AASDH: variants seen among roughly 807,000 people sequenced by gnomAD.
AASDH encodes the protein beta-alanine-activating enzyme.
Under a neutral mutation model 102.3 loss-of-function variants are expected in AASDH, and 81 were observed. That is an observed-to-expected ratio of 0.79 (90% CI 0.66 to 0.95). The LOEUF (loss-of-function observed/expected upper bound fraction) is 0.95. AASDH is among the 40% of genes least tolerant of loss of function. The pLI is 0.00. For missense variants in AASDH, 1,203 were observed against 1,266.2 expected (o/e 0.95, Z 0.76); for synonymous variants, 398 against 454.0 (o/e 0.88, Z 1.57).
In AASDH at chr4:56,384,273, C is replaced by T; in HGVS notation, c.27G>A (p.Lys9=). The T allele has an allele frequency of 6.2e-7, 1 of 1,614,066 alleles. No homozygotes were observed. Among genetic ancestry groups the T allele is most frequent in the African/African-American group, 1.3e-5 (1 of 75,026 alleles). The change falls in exon 2 of 15, where the codon AAG becomes AAA. Residue 9 remains lysine, a synonymous_variant. Transcript: ENST00000205214. MTLQELVH[K]AASCYMDRVA... ...CTCTGTCCATATAACAGGAGGCAGC[C>T]TTATGCACCAATTCCTGAAGAGTCA...
At chr4:56,350,160 A>G in intron 10 of AASDH, 102 bp from the exon 11 acceptor site, 1 of 1,060,160 alleles carries the variant, frequency 9.4e-7, no homozygotes, top group Non-Finnish European at 1.3e-6. Context: ...CTACATTAAT[A>G]ATTAGAAATA....
At chr4:56,367,918 A>G (rs192929459) in intron 5 of AASDH, among the ~76,000 whole-genome samples, 3,139 of 152,222 alleles carry the variant, frequency 0.021, 48 homozygotes, top group South Asian at 0.046. Flanking sequence ...AACTACCATC[A>G]GAGTGAACAG....
intron 3 of AASDH, among the ~76,000 whole-genome samples, chr4:56,378,723 T>C (rs969074952): frequency 6.6e-6 from 1 of 152,002 alleles, no homozygotes; most frequent in African/African-American, 2.4e-5. Flanking sequence ...ACTATGCTAA[T>C]TAATGCTATG....
At chr4:56,377,078 A>AAAT (rs1553933216) in intron 4 of AASDH, among the ~76,000 whole-genome samples, 24 of 132,556 alleles carry the variant, frequency 1.8e-4, no homozygotes, top group Admixed American at 9.2e-4. Flanking sequence ...AAAAAAAAAA[A>AAAT]AAATAAATAA....
intron 12 of AASDH, among the ~76,000 whole-genome samples, chr4:56,344,724 A>G (rs1446478933): frequency 6.6e-6 from 1 of 152,070 alleles, no homozygotes; most frequent in Admixed American, 6.6e-5. Context: ...TGAGTAGCAC[A>G]CTTATTTGTG....
intron 12 of AASDH, among the ~76,000 whole-genome samples, chr4:56,344,492 T>G (rs572245358): frequency 6.6e-6 from 1 of 152,278 alleles, no homozygotes; most frequent in African/African-American, 2.4e-5. Context: ...TACATTTGTC[T>G]TATTAATTTG....
chr4:56,375,831 C>T (rs1752273656), intron 4 of AASDH, among the ~76,000 whole-genome samples: 1 of 152,126 alleles, frequency 6.6e-6, no homozygotes, highest in African/African-American at 2.4e-5. Flanking sequence ...CTATCCTAAT[C>T]TTTTTGAGGC....
intron 10 of AASDH, among the ~76,000 whole-genome samples, 197 bp downstream of exon 10, chr4:56,351,145 G>T (rs928106444): frequency 2.6e-5 from 4 of 152,058 alleles, no homozygotes; most frequent in African/African-American, 9.7e-5. Flanking sequence ...TTCTTTGTCG[G>T]AAACTTAATC....
In AASDH at chr4:56,338,625, A is replaced by G. The variant is rs1243516991; in HGVS notation, c.3074T>C (p.Phe1025Ser). The change falls in exon 15 of 15, where the codon TTT becomes TCT. Residue 1025 changes from phenylalanine to serine, a missense_variant. Transcript: ENST00000205214. ...ETTSRVYATPFAFHNYNGSNE... is the reference protein window; with the variant it reads ...ETTSRVYATPSAFHNYNGSNE... The stretch of plus-strand genomic sequence containing the variant: ...GCTGCCATTGTAGTTATGGAAAGCA[A>G]ACGGTGTTGCATAGACCCTTGAAGT... 6 of 1,614,080 alleles carry G rather than the reference A, an allele frequency of 3.7e-6. No homozygotes were observed. The African/African-American group carries it at 6.7e-5, about 18-fold the overall frequency.
intron 5 of AASDH, among the ~76,000 whole-genome samples, chr4:56,363,185 C>G (rs111934645): frequency 2.6e-5 from 4 of 152,122 alleles, no homozygotes; most frequent in Non-Finnish European, 5.9e-5. Context: ...GAGGGGCGCC[C>G]ACCATCGCCG....
intron 14 of AASDH, among the ~76,000 whole-genome samples, chr4:56,339,169 T>A (rs908704994): frequency 1.3e-5 from 2 of 151,874 alleles, no homozygotes; most frequent in African/African-American, 4.8e-5. Flanking sequence ...ATTATTTTTT[T>A]TTGAGATGGA....
intron 1 of AASDH, 68 bp downstream of exon 1, chr4:56,387,294 C>T (rs747325737): frequency 6.6e-6 from 1 of 152,336 alleles, no homozygotes; most frequent in Non-Finnish European, 1.5e-5. Context: ...GAAGCAGGCT[C>T]AGGCCTAGCG....
chr4:56,377,990 A>G (rs1046544916), intron 4 of AASDH, among the ~76,000 whole-genome samples, 158 bp downstream of exon 4: 7 of 152,132 alleles, frequency 4.6e-5, no homozygotes, highest in African/African-American at 7.2e-5. Context: ...TTTTTTCAGT[A>G]GAGACAGCTT....
chr4:56,355,161 T>G (rs546101006), intron 6 of AASDH, 21 bp downstream of exon 6: 1 of 1,610,290 alleles, frequency 6.2e-7, no homozygotes, highest in African/African-American at 1.3e-5. Context: ...CTTCTCTATA[T>G]AGTACAATGA....
chr4:56,339,162 A>ATTAT (rs1553924420), intron 14 of AASDH, among the ~76,000 whole-genome samples: 2 of 150,166 alleles, frequency 1.3e-5, no homozygotes, highest in African/African-American at 4.9e-5. Context: ...TATTATTATT[A>ATTAT]TTTTTTTTTG....
At chr4:56,344,343 C>T (rs74368627) in intron 12 of AASDH, among the ~76,000 whole-genome samples, 2,425 of 152,234 alleles carry the variant, frequency 0.016, 75 homozygotes, top group African/African-American at 0.055. Context: ...TCTAATCTAA[C>T]ACCATTTGTT....
At chr4:56,360,958 T>C (rs1750216490) in intron 5 of AASDH, among the ~76,000 whole-genome samples, 2 of 152,226 alleles carry the variant, frequency 1.3e-5, no homozygotes, top group Admixed American at 1.3e-4. Context: ...AAGAAGTTTA[T>C]CATAATGAAA....
intron 13 of AASDH, 150 bp from the exon 14 acceptor site, chr4:56,343,116 A>T (rs1747896848): frequency 2.9e-6 from 2 of 684,516 alleles, no homozygotes; most frequent in South Asian, 9.2e-5. Context: ...GCTGGTATAC[A>T]TATATAAAAT....
At position 56,343,599 on chromosome 4, in the gene AASDH, A is replaced by C. The variant is rs1747964609; in HGVS notation, c.2738T>G (p.Phe913Cys). Residue 913 changes from phenylalanine to cysteine, a missense_variant, in exon 13 of 15, where the codon TTT becomes TGT. Coordinates refer to ENST00000205214, the MANE Select transcript of AASDH (RefSeq NM_181806.4). The part of the protein sequence containing the change: ...CLNLIPHHLY[F>C]ATLGGLLLAV... The stretch of plus-strand genomic sequence containing the variant: ...CAGTAAAAGTCCTCCCAATGTAGCA[A>C]AATACAAATGATGTGGAATCAGGTT... The C allele has an allele frequency of 6.2e-7, 1 of 1,610,860 alleles. No homozygotes were observed. The highest frequency in any genetic ancestry group is 2.2e-5 in the East Asian group (1 of 44,738).
Sources: gnomAD v4.1 joint callset for allele counts (sites outside exome capture counted in the v4.1 genomes callset) on GRCh38, gnomAD v4.1.1 for gene constraint, MANE v1.5 for transcripts, NCBI Gene and HGNC (gene_info 2026-07-23, HGNC 2026-07-21) for gene names.